Variants in FOXP2 observed in about 807,000 individuals in gnomAD.
FOXP2 encodes the protein forkhead box P2, also known as forkhead box protein P2.
In FOXP2, 12 loss-of-function variants were observed where a neutral mutation model predicts 115.8. That is an observed-to-expected ratio of 0.10 (90% CI 0.07 to 0.17). The LOEUF (loss-of-function observed/expected upper bound fraction) is 0.17, where lower values mean the gene tolerates loss of function less well. Among genes scored for constraint, FOXP2 ranks in the 10% least tolerant of loss-of-function variants. The pLI is 1.00. For synonymous variants in FOXP2, 328 were observed against 297.7 expected, an observed-to-expected ratio of 1.10 and a Z score of -1.05; for missense variants, 629 against 843.5, an observed-to-expected ratio of 0.75 and a Z score of 3.15.
At chr7:114,394,826 G>A (rs563898683) in intron 2 of FOXP2, among the ~76,000 whole-genome samples, 14 of 152,276 alleles carry the variant, frequency 9.2e-5, no homozygotes, top group African/African-American at 3.1e-4. Context: ...GACTGGAGCT[G>A]ACTAAAGAGA....
intron 7 of FOXP2, among the ~76,000 whole-genome samples, chr7:114,643,732 G>A (rs74998868): frequency 0.016 from 2,373 of 152,184 alleles, 72 homozygotes; most frequent in African/African-American, 0.054. Context: ...ATTGTTCAGT[G>A]TGAAAAATCT....
At chr7:114,366,954 A>G (rs1157808628) in intron 2 of FOXP2, among the ~76,000 whole-genome samples, 1 of 152,140 alleles carries the variant, frequency 6.6e-6, no homozygotes, top group Non-Finnish European at 1.5e-5. Context: ...TCAAATGACC[A>G]GGTCTGTTAT....
intron 2 of FOXP2, among the ~76,000 whole-genome samples, chr7:114,430,654 A>G (rs1794064312): frequency 6.6e-6 from 1 of 151,782 alleles, no homozygotes; most frequent in African/African-American, 2.4e-5. Flanking sequence ...GGCATATTGG[A>G]TTTATTGTTC....
intron 2 of FOXP2, among the ~76,000 whole-genome samples, chr7:114,402,894 A>T (rs1250724993): frequency 6.6e-6 from 1 of 151,944 alleles, no homozygotes; most frequent in East Asian, 1.9e-4. Flanking sequence ...TGATCTTCCC[A>T]CCTAGGCCTC....
chr7:114,169,397 G>A (rs1793076044), intron 1 of FOXP2, among the ~76,000 whole-genome samples: 1 of 152,240 alleles, frequency 6.6e-6, no homozygotes, highest in Non-Finnish European at 1.5e-5. Flanking sequence ...TCATTTTGGA[G>A]CTTTAAGATT....
chr7:114,139,943 T>C (rs367628444), intron 1 of FOXP2, among the ~76,000 whole-genome samples: 1 of 152,046 alleles, frequency 6.6e-6, no homozygotes, highest in East Asian at 1.9e-4. Flanking sequence ...TGAAACCCCA[T>C]CTTTACCAAA....
chr7:114,527,497 G>A (rs557647071), intron 2 of FOXP2, among the ~76,000 whole-genome samples: 14 of 151,488 alleles, frequency 9.2e-5, no homozygotes, highest in Non-Finnish European at 1.8e-4. Flanking sequence ...CTCTCTCTGT[G>A]GTGTCTTTAC....
At chr7:114,580,782 T>C (rs1217524448) in intron 3 of FOXP2, among the ~76,000 whole-genome samples, 1 of 152,056 alleles carries the variant, frequency 6.6e-6, no homozygotes, top group Non-Finnish European at 1.5e-5. Flanking sequence ...CCATAGGCAG[T>C]AGGAAGTTGA....
intron 16 of FOXP2, among the ~76,000 whole-genome samples, chr7:114,677,167 A>G (rs1807818389): frequency 7.8e-6 from 1 of 127,786 alleles, no homozygotes. Context: ...ATCCGTCTCA[A>G]AAAACAAAAA....
At chr7:114,365,042 C>A in intron 2 of FOXP2, among the ~76,000 whole-genome samples, 1 of 152,290 alleles carries the variant, frequency 6.6e-6, no homozygotes, top group East Asian at 1.9e-4. Flanking sequence ...TTACTCTCAT[C>A]TAATCATGCT....
At chr7:114,538,190 A>G in intron 3 of FOXP2, 2 of 478,102 alleles carry the variant, frequency 4.2e-6, no homozygotes, top group Non-Finnish European at 7.9e-6. Flanking sequence ...ACATACACAC[A>G]TGCACACTTC....
intron 6 of FOXP2, among the ~76,000 whole-genome samples, chr7:114,633,767 A>G (rs1013123906): frequency 6.6e-6 from 1 of 152,210 alleles, no homozygotes; most frequent in Non-Finnish European, 1.5e-5. Flanking sequence ...TCCCAAAACT[A>G]GAGTGGGGAA....
intron 2 of FOXP2, among the ~76,000 whole-genome samples, chr7:114,367,105 T>A (rs1791900014): frequency 6.6e-6 from 1 of 152,138 alleles, no homozygotes. Context: ...ACAAATACTT[T>A]AATAGTATTA....
At chr7:114,524,144 CAGA>C (rs946775794) in intron 2 of FOXP2, among the ~76,000 whole-genome samples, 23 of 152,112 alleles carry the variant, frequency 1.5e-4, no homozygotes, top group South Asian at 1.0e-3. Context: ...TTTGGTATGG[CAGA>C]AGAAGATTAT....
chr7:114,465,240 C>T (rs1584769358), intron 2 of FOXP2, among the ~76,000 whole-genome samples: 1 of 152,180 alleles, frequency 6.6e-6, no homozygotes, highest in Admixed American at 6.5e-5. Flanking sequence ...GCTGGGATTA[C>T]AGGCATGAGC....
chr7:114,355,882 A>G (rs1791607146), intron 2 of FOXP2, among the ~76,000 whole-genome samples: 3 of 152,194 alleles, frequency 2.0e-5, no homozygotes, highest in African/African-American at 7.2e-5. Context: ...TTTGGCCATT[A>G]GCTTTTCAGC....
chr7:114,325,755 C>A (rs915191274), intron 2 of FOXP2, among the ~76,000 whole-genome samples: 13 of 151,842 alleles, frequency 8.6e-5, no homozygotes, highest in Non-Finnish European at 1.9e-4. Context: ...CGTTCGGTTG[C>A]TGAGATGGGC....
chr7:114,130,508 AC>A (rs745537649), intron 1 of FOXP2, among the ~76,000 whole-genome samples: 2 of 152,214 alleles, frequency 1.3e-5, no homozygotes, highest in Non-Finnish European at 2.9e-5. Flanking sequence ...TTCTAGGCAA[AC>A]TATTGCTAGT....
At chr7:114,578,288 G>A (rs1390148821) in intron 3 of FOXP2, among the ~76,000 whole-genome samples, 1 of 151,880 alleles carries the variant, frequency 6.6e-6, no homozygotes, top group Non-Finnish European at 1.5e-5. Flanking sequence ...TATTTTGGAA[G>A]GGTTGCGCCC....
Sources: allele counts gnomAD v4.1 joint callset (sites outside exome capture counted in the v4.1 genomes callset), GRCh38; gene constraint gnomAD v4.1.1; transcripts MANE v1.5; gene names NCBI Gene and HGNC (gene_info 2026-07-23, HGNC 2026-07-21).